PLEKHH2: variants seen among roughly 807,000 people sequenced by gnomAD.
PLEKHH2 encodes the protein pleckstrin homology, MyTH4 and FERM domain containing H2.
Under a neutral mutation model 187.9 loss-of-function variants are expected in PLEKHH2, and 129 were observed. The observed-to-expected ratio is 0.69, with a 90% CI of 0.59 to 0.79. The LOEUF (loss-of-function observed/expected upper bound fraction) is 0.79. Among genes scored for constraint, PLEKHH2 ranks in the 30% least tolerant of loss-of-function variants. PLEKHH2 has a pLI of 0.00. For synonymous variants in PLEKHH2, 686 were observed against 605.6 expected, an observed-to-expected ratio of 1.13 and a Z score of -1.95; for missense variants, 2,076 against 1,751.2, an observed-to-expected ratio of 1.19 and a Z score of -3.31.
intron 16 of PLEKHH2, among the ~76,000 whole-genome samples, chr2:43,723,313 T>C (rs1222822289): frequency 6.6e-6 from 1 of 152,038 alleles, no homozygotes; most frequent in Admixed American, 6.6e-5. Flanking sequence ...AACATATACA[T>C]TTATTTAAGT....
chr2:43,740,822 C>A, intron 20 of PLEKHH2, 124 bp from the exon 21 acceptor site: 1 of 1,423,038 alleles, frequency 7.0e-7, no homozygotes, highest in Non-Finnish European at 9.2e-7. Flanking sequence ...ACAGATCATG[C>A]ATATGTGAAA....
At chr2:43,683,179 CT>C (rs1668311779) in intron 3 of PLEKHH2, among the ~76,000 whole-genome samples, 1 of 74,042 alleles carries the variant, frequency 1.4e-5, no homozygotes, top group South Asian at 4.2e-4. Flanking sequence ...GAGTTTTGCT[CT>C]TGTTGCCCAG....
intron 9 of PLEKHH2, among the ~76,000 whole-genome samples, chr2:43,705,741 C>T (rs1669626679): frequency 6.6e-6 from 1 of 152,084 alleles, no homozygotes; most frequent in Non-Finnish European, 1.5e-5. Flanking sequence ...TGTGCCTCAG[C>T]CTCCCAAGTA....
chr2:43,690,422 G>C (rs1668737329), intron 3 of PLEKHH2, among the ~76,000 whole-genome samples: 1 of 151,374 alleles, frequency 6.6e-6, no homozygotes, highest in Non-Finnish European at 1.5e-5. Context: ...TTTGGCATCT[G>C]AATTGATTTA....
At chr2:43,756,994 TA>T in intron 25 of PLEKHH2, 124 bp from the exon 26 acceptor site, 1 of 623,518 alleles carries the variant, frequency 1.6e-6, no homozygotes, top group Non-Finnish European at 2.4e-6. Flanking sequence ...CATAATCACA[TA>T]ATCATGACAA....
In PLEKHH2 at chr2:43,762,342, G is replaced by T. The variant is rs1350684636; in HGVS notation, c.4110G>T (p.Trp1370Cys). The T allele has an allele frequency of 2.5e-6, 4 of 1,613,222 alleles. No homozygotes were observed. The highest frequency in any genetic ancestry group is 2.2e-5 in the South Asian group (2 of 91,050). ...CATCACTTGGAAGTACTTTCTTGTG[G>T]CTGGCTGTACATGAGGATGGTTTAA... ...TPSSLGSTFL[W>C]LAVHEDGLSL... is the part of the protein sequence containing the mutation. Residue 1370 changes from tryptophan to cysteine, a missense_variant, in exon 28 of 30, where the codon TGG becomes TGT. Trp to Cys is a radical substitution (Grantham distance 215). Coordinates refer to ENST00000282406, the MANE Select transcript of PLEKHH2 (RefSeq NM_172069.4).
chr2:43,651,837 T>A (rs1444004394), intron 2 of PLEKHH2, among the ~76,000 whole-genome samples: 3 of 152,222 alleles, frequency 2.0e-5, no homozygotes, highest in Admixed American at 1.3e-4. Context: ...TAAACACTAA[T>A]TTGAATTTTT....
chr2:43,696,648 TC>T (rs1395394804), intron 6 of PLEKHH2, among the ~76,000 whole-genome samples: 1 of 152,038 alleles, frequency 6.6e-6, no homozygotes, highest in Non-Finnish European at 1.5e-5. Context: ...AGACCCAACC[TC>T]CCCATCTACT....
chr2:43,730,146 C>A (rs1329154910), intron 18 of PLEKHH2, among the ~76,000 whole-genome samples: 1 of 152,178 alleles, frequency 6.6e-6, no homozygotes, highest in Non-Finnish European at 1.5e-5. Flanking sequence ...TCACTTAATT[C>A]TTTTATAGCA....
chr2:43,678,921 A>G lies in PLEKHH2; in HGVS notation c.182A>G (p.Gln61Arg). ...GAACGTCAAGCAGAAAAAGCTTTTC[A>G]ACAGGTAGAGTATAATTTTACTTTA... ...DAERQAEKAF[Q>R]QVQVMEDKLK... The change falls in exon 3 of 30, where the codon CAA (glutamine) becomes CGA (arginine). Residue 61 changes from glutamine to arginine, a missense_variant. Coordinates refer to ENST00000282406, the MANE Select transcript of PLEKHH2 (RefSeq NM_172069.4). 1 of 1,607,452 alleles carries G rather than the reference A, an allele frequency of 6.2e-7. No homozygotes were observed. The highest frequency in any genetic ancestry group is 8.5e-7 in the Non-Finnish European group (1 of 1,175,268).
At chr2:43,712,883 T>A (rs1411732700) in intron 15 of PLEKHH2, among the ~76,000 whole-genome samples, 1 of 152,174 alleles carries the variant, frequency 6.6e-6, no homozygotes, top group Non-Finnish European at 1.5e-5. Context: ...GAGGTGGCAC[T>A]TTTTAAAATC....
At position 43,710,242 on chromosome 2, in the gene PLEKHH2, A is replaced by G; in HGVS notation, c.2126A>G (p.Tyr709Cys). The G allele has an allele frequency of 6.2e-7, 1 of 1,614,088 alleles. No homozygotes were observed. The highest frequency in any genetic ancestry group is 8.5e-7 in the Non-Finnish European group (1 of 1,179,988). The change falls in exon 13 of 30, where the codon TAT becomes TGT. Residue 709 changes from tyrosine (Y) to cysteine (C), a missense_variant. Transcript: ENST00000282406. The stretch of plus-strand genomic sequence containing the variant: ...TAGGAACCACTGGAAAAATCTGGTT[A>G]TTTATTAAAAATGAGTGGTAAAGTC... ...GKNEPLEKSGYLLKMSGKVKS... is the reference protein window; with the variant it reads ...GKNEPLEKSGCLLKMSGKVKS...
At chr2:43,764,685 G>A (rs1672557136) in intron 29 of PLEKHH2, among the ~76,000 whole-genome samples, 1 of 152,178 alleles carries the variant, frequency 6.6e-6, no homozygotes, top group African/African-American at 2.4e-5. Context: ...ATAAATAGTT[G>A]TGGCATTAAG....
chr2:43,667,849 T>C (rs1438020022), intron 2 of PLEKHH2, among the ~76,000 whole-genome samples: 1 of 152,200 alleles, frequency 6.6e-6, no homozygotes, highest in Non-Finnish European at 1.5e-5. Context: ...GAAACTGTTC[T>C]GGAATTAAAT....
intron 17 of PLEKHH2, among the ~76,000 whole-genome samples, chr2:43,729,229 G>T (rs992072171): frequency 3.9e-5 from 6 of 152,162 alleles, no homozygotes; most frequent in Non-Finnish European, 8.8e-5. Context: ...TGGTGAATGG[G>T]ATAAGACGGG....
chr2:43,729,534 G>A (rs2104567648), intron 17 of PLEKHH2, 103 bp from the exon 18 acceptor site: 1 of 625,826 alleles, frequency 1.6e-6, no homozygotes, highest in Non-Finnish European at 2.5e-6. Flanking sequence ...TAAAGCAAGT[G>A]GTTCATTTCC....
chr2:43,690,629 C>T (rs1410538005), intron 3 of PLEKHH2, among the ~76,000 whole-genome samples: 1 of 152,148 alleles, frequency 6.6e-6, no homozygotes, highest in Non-Finnish European at 1.5e-5. Flanking sequence ...TCTTTAATTT[C>T]TCAAATGCTT....
intron 15 of PLEKHH2, among the ~76,000 whole-genome samples, chr2:43,716,242 G>T (rs1442873472): frequency 1.3e-5 from 2 of 152,110 alleles, no homozygotes; most frequent in Non-Finnish European, 2.9e-5. Flanking sequence ...TAAAGACAAA[G>T]TCCAGAAGAA....
Position 43,644,096 on chromosome 2 carries a change from G to A in PLEKHH2, c.-3-575G>A, listed in dbSNP as rs552311656. On this transcript the variant is annotated intron_variant, in intron 1 of 29. Transcript: ENST00000282406. The stretch of plus-strand genomic sequence containing the variant: ...AAATACGCCAAAGGACCTCTGGCTT[G>A]AAAGACTTAACCTGGACCTGGCCAA... 1.7e-4 allele frequency among the ~76,000 whole-genome samples: 26 copies of A among 152,190 alleles called. No homozygotes were observed. The South Asian group carries it at 5.4e-3, about 32-fold the overall frequency.
Sources: gnomAD v4.1 joint callset for allele counts (sites outside exome capture counted in the v4.1 genomes callset) on GRCh38, gnomAD v4.1.1 for gene constraint, MANE v1.5 for transcripts, NCBI Gene and HGNC (gene_info 2026-07-23, HGNC 2026-07-21) for gene names.